Variants in STAG1 observed in about 807,000 individuals in gnomAD.
The protein encoded by STAG1 is STAG1 cohesin complex component.
A neutral mutation model predicts 170.9 loss-of-function variants in STAG1; 26 were observed. The ratio of observed to expected loss-of-function variants is 0.15; its 90% CI spans 0.11 to 0.21. The LOEUF (loss-of-function observed/expected upper bound fraction) is 0.21, where lower values mean the gene tolerates loss of function less well. Among genes scored for constraint, STAG1 ranks in the 10% least tolerant of loss-of-function variants. STAG1 has a pLI of 1.00. For missense variants in STAG1, 964 were observed against 1,509.5 expected (o/e 0.64, Z 5.99); for synonymous variants, 514 against 497.7 (o/e 1.03, Z -0.44).
At chr3:136,514,451 T>C (rs889211450) in intron 7 of STAG1, among the ~76,000 whole-genome samples, 1 of 152,230 alleles carries the variant, frequency 6.6e-6, no homozygotes, top group African/African-American at 2.4e-5. Flanking sequence ...GGAATGCTTT[T>C]ACACTGTAAG....
chr3:136,606,686 C>T (rs2107810870), intron 3 of STAG1, among the ~76,000 whole-genome samples: 1 of 150,238 alleles, frequency 6.7e-6, no homozygotes, highest in Admixed American at 6.6e-5. Flanking sequence ...TGGAATTTGT[C>T]TGATGTTTTT....
Position 136,363,450 on chromosome 3 carries a change from AC to A in STAG1, c.2702del (p.Gly901ValfsTer8). The A allele has an allele frequency of 6.4e-7, 1 of 1,558,822 alleles. No individual in the cohort carries two copies. The highest frequency in any genetic ancestry group is 8.8e-7 in the Non-Finnish European group (1 of 1,134,922). On this transcript the variant is annotated frameshift_variant, in exon 26 of 34. Coordinates refer to ENST00000383202, the MANE Select transcript of STAG1 (RefSeq NM_005862.3). LOFTEE classifies it high-confidence loss of function. Reference sequence around the variant, plus strand: ...TACTCAGTGTTTCCTTAATAATATCACCATAGTCATTGTAATACTGTGAGGG... The same window carrying A: ...TACTCAGTGTTTCCTTAATAATATCACATAGTCATTGTAATACTGTGAGGG... ...KHYMKYYNDYGDIIKETLSKT... is the reference protein window; with the variant it reads ...KHYMKYYNDYXDIIKETLSKT...
chr3:136,645,532 A>C (rs1940975215), intron 1 of STAG1, among the ~76,000 whole-genome samples: 2 of 152,238 alleles, frequency 1.3e-5, no homozygotes, highest in Non-Finnish European at 2.9e-5. Context: ...TGGATGAAGT[A>C]ATAAATCTTT....
At chr3:136,355,447 T>C (rs545499080) in intron 28 of STAG1, among the ~76,000 whole-genome samples, 12 of 120,118 alleles carry the variant, frequency 1.0e-4, no homozygotes, top group South Asian at 2.6e-4. Flanking sequence ...AAGGGACAAA[T>C]AGACAATTCA....
chr3:136,619,756 CAAAAAAAAAAAAAAA>C (rs62857261), intron 3 of STAG1, among the ~76,000 whole-genome samples: 1 of 67,760 alleles, frequency 1.5e-5, no homozygotes, highest in Non-Finnish European at 2.6e-5. Context: ...GACTCTGTCT[CAAAAAAAAAAAAAAA>C]AAAAAAAAGG....
intron 6 of STAG1, among the ~76,000 whole-genome samples, chr3:136,525,458 T>G (rs1039428686): frequency 2.6e-5 from 4 of 152,208 alleles, no homozygotes; most frequent in African/African-American, 9.6e-5. Flanking sequence ...TTATCATTTT[T>G]TATTGCGTCT....
intron 1 of STAG1, among the ~76,000 whole-genome samples, chr3:136,724,489 A>C (rs984013742): frequency 1.3e-5 from 2 of 151,714 alleles, no homozygotes; most frequent in Admixed American, 6.6e-5. Context: ...GGTCCTCTGC[A>C]TAGGAAAACC....
rs1489501547 is a variant in STAG1, at chr3:136,349,175, T to C, written c.3254A>G (p.His1085Arg). ...AGACTTACCTTCTACTCGTTTTTTA[T>C]GAAGTGGAGGTCGTCCTTTCTTATT... ...VRNKKGRPPLHKKRVEDESLD... is the reference protein window; with the variant it reads ...VRNKKGRPPLRKKRVEDESLD... Residue 1085 changes from histidine (H) to arginine (R), a missense_variant, in exon 29 of 34, where the codon CAT becomes CGT. By Grantham distance (29) the His-to-Arg change is conservative. Transcript: ENST00000383202. 1.2e-6 allele frequency: 2 copies of C among 1,614,020 alleles called. No individual in the cohort carries two copies. Among genetic ancestry groups the C allele is most frequent in the South Asian group, 1.1e-5 (1 of 91,082 alleles).
intron 6 of STAG1, among the ~76,000 whole-genome samples, chr3:136,532,512 T>C (rs761894087): frequency 6.6e-6 from 1 of 152,186 alleles, no homozygotes; most frequent in South Asian, 2.1e-4. Context: ...TGGGCTTTTC[T>C]TGGGTGGGAG....
intron 9 of STAG1, among the ~76,000 whole-genome samples, chr3:136,481,970 TTTTC>T (rs1396167170): frequency 1.8e-5 from 1 of 56,940 alleles, no homozygotes; most frequent in African/African-American, 5.6e-5. Flanking sequence ...TTCTTCTCTT[TTTTC>T]TTTATTACTC....
intron 1 of STAG1, among the ~76,000 whole-genome samples, chr3:136,697,981 A>G (rs1057254276): frequency 3.3e-5 from 5 of 152,162 alleles, no homozygotes; most frequent in African/African-American, 1.2e-4. Context: ...TATGAAATAC[A>G]CATTATAACT....
At chr3:136,744,048 G>A (rs946001040) in intron 1 of STAG1, among the ~76,000 whole-genome samples, 6 of 152,138 alleles carry the variant, frequency 3.9e-5, no homozygotes, top group Non-Finnish European at 7.4e-5. Context: ...AAGGATTTTG[G>A]CTGGCCACGT....
intron 5 of STAG1, among the ~76,000 whole-genome samples, chr3:136,551,757 G>A (rs1936416820): frequency 6.6e-6 from 1 of 151,640 alleles, no homozygotes; most frequent in African/African-American, 2.4e-5. Flanking sequence ...GCACACACCT[G>A]GCTAATTTTT....
chr3:136,391,845 A>G (rs2108328760), intron 22 of STAG1, among the ~76,000 whole-genome samples: 1 of 152,338 alleles, frequency 6.6e-6, no homozygotes, highest in Middle Eastern at 3.4e-3. Context: ...AACCTGTAAG[A>G]CTGCCCCAGA....
intron 13 of STAG1, among the ~76,000 whole-genome samples, chr3:136,455,442 T>C (rs1010307697): frequency 7.9e-5 from 12 of 152,154 alleles, no homozygotes; most frequent in African/African-American, 2.7e-4. Flanking sequence ...AAGAGGGAAT[T>C]AGAAGTGGAA....
At chr3:136,641,887 A>G (rs1167486923) in intron 1 of STAG1, among the ~76,000 whole-genome samples, 1 of 152,298 alleles carries the variant, frequency 6.6e-6, no homozygotes, top group East Asian at 1.9e-4. Context: ...CTATTTTTGC[A>G]ACTTTATTAA....
At chr3:136,703,227 TTA>T (rs1487595996) in intron 1 of STAG1, among the ~76,000 whole-genome samples, 2 of 152,160 alleles carry the variant, frequency 1.3e-5, no homozygotes, top group Non-Finnish European at 2.9e-5. Context: ...AGTCAAACAC[TTA>T]TAGTGTCCAT....
At chr3:136,430,125 C>T (rs1396239660) in intron 16 of STAG1, 2 of 152,106 alleles carry the variant, frequency 1.3e-5, no homozygotes, top group Admixed American at 1.3e-4. Context: ...TGCAAAGGGG[C>T]CATGCTCATC....
At chr3:136,712,593 A>G (rs1267355188) in intron 1 of STAG1, among the ~76,000 whole-genome samples, 1 of 152,204 alleles carries the variant, frequency 6.6e-6, no homozygotes, top group East Asian at 1.9e-4. Context: ...GCCATCAAAA[A>G]TGGCTACAAT....
Sources: gnomAD v4.1 joint callset for allele counts (sites outside exome capture counted in the v4.1 genomes callset) on GRCh38, gnomAD v4.1.1 for gene constraint, MANE v1.5 for transcripts, NCBI Gene and HGNC (gene_info 2026-07-23, HGNC 2026-07-21) for gene names.